Variants in RUFY2 observed in about 807,000 individuals in gnomAD.
RUFY2 encodes RUN and FYVE domain containing 2, also known as RUN and FYVE domain-containing protein 2.
A neutral mutation model predicts 94.4 loss-of-function variants in RUFY2; 49 were observed. The observed-to-expected ratio is 0.52, with a 90% CI of 0.41 to 0.66. The LOEUF is 0.66. Ranked by LOEUF, RUFY2 falls within the 30% of genes least tolerant of loss-of-function variation. The probability of loss-of-function intolerance (pLI) is 0.00; values close to 1 mark genes in which losing one functional copy is unlikely to be tolerated. For synonymous variants in RUFY2, 255 were observed against 235.7 expected (o/e 1.08, Z -0.75); for missense variants, 541 against 692.8 (o/e 0.78, Z 2.46).
At chr10:68,406,188 C>T (rs1330690890) in intron 1 of RUFY2, among the ~76,000 whole-genome samples, 1 of 151,728 alleles carries the variant, frequency 6.6e-6, no homozygotes, top group African/African-American at 2.4e-5. Context: ...CAACAAAAAA[C>T]CCAGAGTCTC....
Position 68,393,439 on chromosome 10 carries a change from T to C in RUFY2, c.585-236A>G, listed in dbSNP as rs771971015. Among the ~76,000 whole-genome samples the C allele has an allele frequency of 5.3e-5, 8 of 152,208 alleles. No individual in the cohort carries two copies. The East Asian group carries it at 1.5e-3, about 29-fold the overall frequency. On this transcript the variant is annotated intron_variant, in intron 6 of 17. Coordinates refer to ENST00000602465, the MANE Select transcript of RUFY2 (RefSeq NM_001330103.2). ...ATTAGTGTATTTTTAAATTTAAACA[T>C]AATTAGGGCCGGGCACAGTGGCTCA... is the stretch of plus-strand genomic sequence containing the variant.
intron 3 of RUFY2, among the ~76,000 whole-genome samples, chr10:68,397,320 C>T (rs575300659): frequency 6.6e-4 from 100 of 152,250 alleles, no homozygotes; most frequent in African/African-American, 2.3e-3. Flanking sequence ...ATTTGTGTAT[C>T]TAAACACAGC....
chr10:68,389,331 G>A (rs981037241), intron 7 of RUFY2, among the ~76,000 whole-genome samples: 28 of 152,130 alleles, frequency 1.8e-4, no homozygotes, highest in African/African-American at 6.5e-4. Flanking sequence ...GGTGGCTCAC[G>A]CCTGTAATCC....
At chr10:68,355,460 A>C in intron 15 of RUFY2, 59 bp from the exon 16 acceptor site, 1 of 1,021,904 alleles carries the variant, frequency 9.8e-7, no homozygotes, top group Non-Finnish European at 1.5e-6. Context: ...TAGAACACTT[A>C]GTATTTCAGT....
At chr10:68,406,908 G>A in intron 1 of RUFY2, 2 of 1,576,038 alleles carry the variant, frequency 1.3e-6, no homozygotes, top group Non-Finnish European at 1.7e-6. Flanking sequence ...CACCCTGCCT[G>A]GCCCTGTCCT....
At chr10:68,387,594 T>C (rs966752779) in intron 7 of RUFY2, among the ~76,000 whole-genome samples, 4 of 152,162 alleles carry the variant, frequency 2.6e-5, no homozygotes, top group South Asian at 2.1e-4. Flanking sequence ...GGTAGACAAC[T>C]TGAGTTTTTC....
chr10:68,403,211 G>GA (rs201649166), intron 2 of RUFY2, among the ~76,000 whole-genome samples: 14,702 of 143,244 alleles, frequency 0.1, 981 homozygotes, highest in South Asian at 0.25. Flanking sequence ...TACAGTTAAA[G>GA]AAAAAAAAAA....
chr10:68,389,814 G>T (rs2049844822), intron 7 of RUFY2, among the ~76,000 whole-genome samples: 1 of 151,950 alleles, frequency 6.6e-6, no homozygotes, highest in Non-Finnish European at 1.5e-5. Flanking sequence ...AGTGAAAATA[G>T]TAAGGTATAG....
chr10:68,344,443 TTATG>T lies in RUFY2; in HGVS notation c.*1321_*1324del, dbSNP rs1589740415. 3 of 152,314 alleles carry T rather than the reference TTATG, an allele frequency of 2.0e-5. No homozygotes were observed. The highest frequency in any genetic ancestry group is 4.1e-4 in the South Asian group (2 of 4,832). 9.4% of individuals were successfully genotyped at this position (152,314 alleles called of 1,614,324 possible). ...ATAGGATACTGAATGGTGATAGTGT[TTATG>T]TAACTATTCAGAGGTAATTTATACA... On this transcript the variant is annotated 3_prime_UTR_variant, in exon 18 of 18. Transcript: ENST00000602465.
chr10:68,368,705 G>A (rs2048040377), intron 13 of RUFY2, among the ~76,000 whole-genome samples: 1 of 152,088 alleles, frequency 6.6e-6, no homozygotes, highest in Non-Finnish European at 1.5e-5. Context: ...AAGAGAAGAA[G>A]TTTGATCAGC....
chr10:68,397,282 G>A (rs1245708976), intron 3 of RUFY2, among the ~76,000 whole-genome samples: 1 of 152,174 alleles, frequency 6.6e-6, no homozygotes, highest in African/African-American at 2.4e-5. Context: ...ACTGAATGCT[G>A]TAGGCAATTA....
chr10:68,401,470 C>A, intron 3 of RUFY2, 150 bp downstream of exon 3: 3 of 584,274 alleles, frequency 5.1e-6, no homozygotes, highest in South Asian at 2.6e-5. Flanking sequence ...TGAGTTGAGC[C>A]ATAAAGAATG....
intron 2 of RUFY2, among the ~76,000 whole-genome samples, chr10:68,402,032 A>G (rs1031801806): frequency 1.3e-5 from 2 of 152,218 alleles, no homozygotes; most frequent in African/African-American, 2.4e-5. Flanking sequence ...CAATACCAAA[A>G]TAAAGGCTGG....
intron 16 of RUFY2, among the ~76,000 whole-genome samples, chr10:68,352,921 A>G (rs1189076727): frequency 6.6e-6 from 1 of 150,660 alleles, no homozygotes; most frequent in Non-Finnish European, 1.5e-5. Context: ...CTCCATCTCA[A>G]AAAAAAAAGA....
chr10:68,405,753 T>C, intron 1 of RUFY2: 1 of 967,206 alleles, frequency 1.0e-6, no homozygotes, highest in Non-Finnish European at 1.2e-6. Context: ...TAGTTCTGTA[T>C]TGCATGACTG....
chr10:68,365,354 C>T (rs183296769), intron 13 of RUFY2, among the ~76,000 whole-genome samples: 27 of 152,324 alleles, frequency 1.8e-4, no homozygotes, highest in Non-Finnish European at 2.9e-4. Context: ...ACATTCTCTC[C>T]ATGTCTGTGT....
intron 13 of RUFY2, among the ~76,000 whole-genome samples, chr10:68,368,616 G>A (rs535518489): frequency 5.9e-5 from 9 of 152,026 alleles, no homozygotes; most frequent in East Asian, 1.9e-4. Flanking sequence ...CCAAGATCGC[G>A]CCATTGCATT....
At chr10:68,366,805 TAATATA>T (rs1335181679) in intron 13 of RUFY2, among the ~76,000 whole-genome samples, 2 of 8,494 alleles carry the variant, frequency 2.4e-4, no homozygotes, top group Non-Finnish European at 3.4e-4. Flanking sequence ...ATAATATATA[TAATATA>T]ATGTTATATG....
intron 16 of RUFY2, chr10:68,346,773 A>G (rs2046305627): frequency 6.6e-6 from 1 of 152,206 alleles, no homozygotes; most frequent in African/African-American, 2.4e-5. Context: ...TTTAAGGATA[A>G]ATTCTCACTG....
Sources: gnomAD v4.1 joint callset for allele counts (sites outside exome capture counted in the v4.1 genomes callset) on GRCh38, gnomAD v4.1.1 for gene constraint, MANE v1.5 for transcripts, NCBI Gene and HGNC (gene_info 2026-07-23, HGNC 2026-07-21) for gene names.